AFG1L: variants seen among roughly 807,000 people sequenced by gnomAD.
AFG1L encodes AFG1-like ATPase.
In AFG1L, 53 loss-of-function variants were observed where a neutral mutation model predicts 62.2. The observed-to-expected ratio is 0.85, with a 90% CI of 0.68 to 1.07. AFG1L has a LOEUF of 1.07. Ranked by LOEUF, AFG1L falls within the 50% of genes least tolerant of loss-of-function variation. The pLI, the probability that AFG1L is intolerant of heterozygous loss-of-function variation, is 0.00. For missense variants in AFG1L, 555 were observed against 590.5 expected, an observed-to-expected ratio of 0.94 and a Z score of 0.62; for synonymous variants, 228 against 210.3, an observed-to-expected ratio of 1.08 and a Z score of -0.73.
At position 108,525,527 on chromosome 6, in the gene AFG1L, T is replaced by C. The variant is rs1269402083; in HGVS notation, c.*3102T>C. 6.6e-6 allele frequency: 1 copy of C among 152,232 alleles called. No individual in the cohort carries two copies. Among genetic ancestry groups the C allele is most frequent in the Admixed American group, 6.5e-5 (1 of 15,282 alleles). The allele number at this position is 152,232 out of a possible 1,614,324, so 9.4% of individuals were successfully genotyped here. A position where few individuals can be genotyped will look rare whatever the true frequency, so the allele number is the denominator to read the frequency against. ...AATTAGTTGGAATATTGAAAAAAAT[T>C]AAAATTTCACTTGTAAAATAAGTGG... On this transcript the variant is annotated 3_prime_UTR_variant, in exon 13 of 13. Coordinates refer to ENST00000368977, the MANE Select transcript of AFG1L (RefSeq NM_145315.5).
intron 10 of AFG1L, among the ~76,000 whole-genome samples, chr6:108,508,024 A>G (rs1774489428): frequency 6.6e-6 from 1 of 152,336 alleles, no homozygotes; most frequent in Admixed American, 6.5e-5. Context: ...TGGTTTGAAT[A>G]CTAATGTATG....
chr6:108,471,334 T>C (rs1772884588), intron 8 of AFG1L, among the ~76,000 whole-genome samples: 2 of 152,194 alleles, frequency 1.3e-5, no homozygotes, highest in Admixed American at 6.5e-5. Flanking sequence ...ATCATTTTTC[T>C]TGGACTAAAC....
chr6:108,513,511 C>G (rs1387395207), intron 11 of AFG1L, among the ~76,000 whole-genome samples: 5 of 152,184 alleles, frequency 3.3e-5, no homozygotes, highest in Admixed American at 6.5e-5. Context: ...GAGCCTCGCT[C>G]ATTGCTAGCA....
chr6:108,447,155 G>A, intron 7 of AFG1L, 59 bp from the exon 8 acceptor site: 1 of 849,120 alleles, frequency 1.2e-6, no homozygotes, highest in Non-Finnish European at 2.0e-6. Flanking sequence ...TATAAGGGAA[G>A]GATTGTAATT....
intron 7 of AFG1L, among the ~76,000 whole-genome samples, chr6:108,422,028 T>C (rs1046055705): frequency 6.6e-6 from 1 of 152,070 alleles, no homozygotes; most frequent in Non-Finnish European, 1.5e-5. Flanking sequence ...AGAAAACATA[T>C]AGGGAATAAT....
At chr6:108,336,156 A>G (rs916420277) in intron 2 of AFG1L, among the ~76,000 whole-genome samples, 1 of 152,214 alleles carries the variant, frequency 6.6e-6, no homozygotes. Context: ...TACTTTTATC[A>G]AAAAGTGGTC....
At chr6:108,336,811 C>T (rs1778493577) in intron 2 of AFG1L, among the ~76,000 whole-genome samples, 1 of 152,136 alleles carries the variant, frequency 6.6e-6, no homozygotes, top group African/African-American at 2.4e-5. Context: ...AATTTTCTCT[C>T]TAAATATCTT....
chr6:108,482,928 C>T (rs919653469), intron 10 of AFG1L, among the ~76,000 whole-genome samples: 6 of 152,148 alleles, frequency 3.9e-5, no homozygotes, highest in Admixed American at 6.5e-5. Flanking sequence ...CTTTCTCCCC[C>T]TTTCCACAGT....
chr6:108,392,697 T>G (rs1781109790), intron 6 of AFG1L, among the ~76,000 whole-genome samples: 1 of 152,258 alleles, frequency 6.6e-6, no homozygotes, highest in Non-Finnish European at 1.5e-5. Flanking sequence ...GCTTAAATAG[T>G]CTATAGGTAG....
intron 8 of AFG1L, among the ~76,000 whole-genome samples, chr6:108,451,779 C>T (rs1423882840): frequency 1.3e-5 from 2 of 151,972 alleles, no homozygotes; most frequent in African/African-American, 4.8e-5. Context: ...AGTGCAGTGG[C>T]GTGATCTCGG....
intron 2 of AFG1L, among the ~76,000 whole-genome samples, chr6:108,342,449 T>C (rs2067929): frequency 0.072 from 11,008 of 152,162 alleles, 1,372 homozygotes; most frequent in African/African-American, 0.25. Context: ...AAAATGTAAA[T>C]TAGGAGCATG....
At chr6:108,412,104 A>G (rs1441731842) in intron 7 of AFG1L, among the ~76,000 whole-genome samples, 3 of 152,220 alleles carry the variant, frequency 2.0e-5, no homozygotes, top group Non-Finnish European at 4.4e-5. Flanking sequence ...TGGCACGAGA[A>G]CTATGTGATG....
intron 6 of AFG1L, among the ~76,000 whole-genome samples, chr6:108,367,596 T>A (rs1779812074): frequency 6.6e-6 from 1 of 152,244 alleles, no homozygotes; most frequent in South Asian, 2.1e-4. Flanking sequence ...TGCTGTTTAC[T>A]GAGATGGGGA....
chr6:108,522,367 G>A lies in AFG1L; in HGVS notation c.1388G>A (p.Arg463Gln), dbSNP rs777777216. The change falls in exon 13 of 13, where the codon CGA (arginine) becomes CAA (glutamine). Residue 463 changes from arginine (R) to glutamine (Q), a missense_variant. Arg to Gln is a conservative substitution (Grantham distance 43). Coordinates refer to ENST00000368977, the MANE Select transcript of AFG1L (RefSeq NM_145315.5). ...TTTGCATTTCAGCGCACAATTTCCC[G>A]ACTCACGGAAATGCAGACTGAACAG... ...EIFAFQRTISRLTEMQTEQYW... is the reference protein window; with the variant it reads ...EIFAFQRTISQLTEMQTEQYW... 2.7e-5 allele frequency: 44 copies of A among 1,613,804 alleles called. No individual in the cohort carries two copies. Among genetic ancestry groups the A allele is most frequent in the Admixed American group, 6.7e-5 (4 of 60,008 alleles).
At chr6:108,351,942 GTTT>G (rs1435080025) in intron 3 of AFG1L, among the ~76,000 whole-genome samples, 1 of 151,854 alleles carries the variant, frequency 6.6e-6, no homozygotes, top group Admixed American at 6.6e-5. Context: ...GTATTTAATT[GTTT>G]TTATTATGGT....
chr6:108,373,586 G>T (rs373821220), intron 6 of AFG1L, among the ~76,000 whole-genome samples: 1 of 149,568 alleles, frequency 6.7e-6, no homozygotes, highest in African/African-American at 2.5e-5. Flanking sequence ...GTAGTTCTGA[G>T]ATTTTTTTTT....
intron 2 of AFG1L, among the ~76,000 whole-genome samples, chr6:108,344,402 C>T (rs749587584): frequency 5.9e-5 from 9 of 152,174 alleles, no homozygotes; most frequent in East Asian, 3.9e-4. Context: ...CATGAGCCAT[C>T]GCGCCCAGCC....
chr6:108,427,263 A>C (rs1310888258), intron 7 of AFG1L, among the ~76,000 whole-genome samples: 1 of 150,852 alleles, frequency 6.6e-6, no homozygotes, highest in Non-Finnish European at 1.5e-5. Flanking sequence ...TAACTTTTTT[A>C]TTTTCTGTAG....
At chr6:108,500,600 C>T (rs1161327469) in intron 10 of AFG1L, among the ~76,000 whole-genome samples, 5 of 152,120 alleles carry the variant, frequency 3.3e-5, no homozygotes, top group South Asian at 2.1e-4. Context: ...CTATTATAAA[C>T]GTGAATGCAG....
Sources: gnomAD v4.1 joint callset for allele counts (sites outside exome capture counted in the v4.1 genomes callset) on GRCh38, gnomAD v4.1.1 for gene constraint, MANE v1.5 for transcripts, NCBI Gene and HGNC (gene_info 2026-07-23, HGNC 2026-07-21) for gene names.